Variants in SYDE2 observed in about 807,000 individuals in gnomAD.
SYDE2 encodes rho GTPase-activating protein SYDE2.
A neutral mutation model predicts 91.5 loss-of-function variants in SYDE2; 76 were observed. The ratio of observed to expected loss-of-function variants is 0.83; its 90% CI spans 0.69 to 1.01. The LOEUF (loss-of-function observed/expected upper bound fraction) is 1.01. SYDE2 is among the 50% of genes least tolerant of loss of function. SYDE2 has a pLI of 0.00. For missense variants in SYDE2, 1,364 were observed against 1,367.7 expected (o/e 1.00, Z 0.04); for synonymous variants, 513 against 506.4 (o/e 1.01, Z -0.18).
At chr1:85,161,725 C>CAAAAAAAAAAAAAAA (rs60732181) in intron 6 of SYDE2, among the ~76,000 whole-genome samples, 1 of 83,380 alleles carries the variant, frequency 1.2e-5, no homozygotes. Context: ...GACTCCATCT[C>CAAAAAAAAAAAAAAA]AAAAAAAAAA....
At chr1:85,165,896 CAG>C (rs1657252942) in intron 5 of SYDE2, among the ~76,000 whole-genome samples, 2 of 108,032 alleles carry the variant, frequency 1.9e-5, no homozygotes, top group African/African-American at 3.8e-5. Flanking sequence ...TTTTTGGAGA[CAG>C]GGTCTCACTC....
intron 6 of SYDE2, among the ~76,000 whole-genome samples, chr1:85,163,479 A>ATATG (rs1657151514): frequency 1.4e-5 from 2 of 143,070 alleles, no homozygotes; most frequent in Non-Finnish European, 3.1e-5. Flanking sequence ...ATATATATAT[A>ATATG]TAACAAAAGA....
At chr1:85,172,336 T>TC (rs1042126841) in intron 4 of SYDE2, among the ~76,000 whole-genome samples, 2 of 152,094 alleles carry the variant, frequency 1.3e-5, no homozygotes, top group Non-Finnish European at 2.9e-5. Context: ...AAGTAGACAC[T>TC]CCAGAGTATA....
At position 85,194,882 on chromosome 1, in the gene SYDE2, T is replaced by C. The variant is rs1444696979; in HGVS notation, c.746-4130A>G. On this transcript the variant is annotated intron_variant, in intron 1 of 6. Coordinates refer to ENST00000341460, the MANE Select transcript of SYDE2 (RefSeq NM_032184.2). Reference sequence around the variant, plus strand: ...CTCATTGAAAATCTGTAGTACCGGCTGGGCGCGGTGGCTCACGCCTGTAAT... The same window carrying C: ...CTCATTGAAAATCTGTAGTACCGGCCGGGCGCGGTGGCTCACGCCTGTAAT... The C allele has an allele frequency of 7.1e-5, 70 of 980,634 alleles. No individual in the cohort carries two copies. The Admixed American group carries it at 8.6e-4, about 12-fold the overall frequency. The allele number at this position is 980,634 out of a possible 1,614,324, so 60.7% of individuals were successfully genotyped here. A position where few individuals can be genotyped will look rare whatever the true frequency, so the allele number is the denominator to read the frequency against.
Position 85,190,258 on chromosome 1 carries a change from T to C in SYDE2, c.1240A>G (p.Lys414Glu), listed in dbSNP as rs377055538. 15 of 1,613,810 alleles carry C rather than the reference T, an allele frequency of 9.3e-6. No homozygotes were observed. The highest frequency in any genetic ancestry group is 1.7e-5 in the Admixed American group (1 of 60,000). ...LSMLSGSDLM[K>E]AERHTEDSLC... ...GAGTCTTCAGTATGCCGCTCTGCTT[T>C]CATCAGGTCACTGCCAGACAACATG... Residue 414 changes from lysine (K) to glutamate (E), a missense_variant, in exon 2 of 7, where the codon AAA (lysine) becomes GAA (glutamate). Coordinates refer to ENST00000341460, the MANE Select transcript of SYDE2 (RefSeq NM_032184.2).
intron 1 of SYDE2, among the ~76,000 whole-genome samples, chr1:85,199,211 A>G (rs1658713630): frequency 6.6e-6 from 1 of 152,218 alleles, no homozygotes; most frequent in African/African-American, 2.4e-5. Flanking sequence ...AATACCTTTT[A>G]CATTTCAGGA....
chr1:85,164,615 C>G lies in SYDE2; in HGVS notation c.2996G>C (p.Arg999Thr). ...AAGTTCTTCTGAATCAGTAAAGACTCTGTTGTTATGGGTGGAAGGCTCTTG... is the reference window on the plus strand; with the variant it reads ...AAGTTCTTCTGAATCAGTAAAGACTGTGTTGTTATGGGTGGAAGGCTCTTG... Reference protein sequence around the residue: ...QRQEPSTHNNRVFTDSEELAS... With the variant: ...QRQEPSTHNNTVFTDSEELAS... Residue 999 changes from arginine (R) to threonine (T), a missense_variant, in exon 6 of 7, where the codon AGA becomes ACA. Transcript: ENST00000341460. 1 of 1,607,384 alleles carries G rather than the reference C, an allele frequency of 6.2e-7. No individual in the cohort carries two copies. The highest frequency in any genetic ancestry group is 8.5e-7 in the Non-Finnish European group (1 of 1,176,678).
rs1656941957 is a variant in SYDE2, at chr1:85,158,562, AG to A, written c.*187del. The A allele has an allele frequency of 4.2e-6, 2 of 479,112 alleles. No individual in the cohort carries two copies. Among genetic ancestry groups the A allele is most frequent in the South Asian group, 7.9e-5 (2 of 25,382 alleles). 29.7% of individuals were successfully genotyped at this position (479,112 alleles called of 1,614,324 possible). Reference sequence around the variant, plus strand: ...TCCAAGTTTTATTGATCCCCAGAAAAGTTTTCTAGTGAGATAAGTAAAAATT... The same window carrying A: ...TCCAAGTTTTATTGATCCCCAGAAAATTTTCTAGTGAGATAAGTAAAAATT... On this transcript the variant is annotated 3_prime_UTR_variant, in exon 7 of 7. Transcript: ENST00000341460.
rs748125795 is a variant in SYDE2 at position 85,190,723 on chromosome 1, T to G, written c.775A>C (p.Met259Leu). 2.0e-5 allele frequency: 33 copies of G among 1,611,010 alleles called. No homozygotes were observed. In the Admixed American group the frequency reaches 5.6e-4, roughly 27 times the overall value. The change falls in exon 2 of 7, where the codon ATG becomes CTG. Residue 259 changes from methionine (M) to leucine (L), a missense_variant. Coordinates refer to ENST00000341460, the MANE Select transcript of SYDE2 (RefSeq NM_032184.2). ...DLFENAYGSS[M>L]KGRELEELKD... ...AGCTCTTCAAGTTCTCTTCCCTTCA[T>G]TGAAGACCCATAGGCATTTTCAAAT...
Position 85,182,623 on chromosome 1 carries a change from CTT to C in SYDE2, c.2017_2018del (p.Lys673ValfsTer17), listed in dbSNP as rs763796833. On this transcript the variant is annotated frameshift_variant, in exon 3 of 7. Transcript: ENST00000341460. LOFTEE classifies it high-confidence loss of function. ...FRHYSFSDQP[K>X]CSQYISGLMS... The stretch of plus-strand genomic sequence containing the variant: ...TGAGCCCAGATATGTACTGTGAACA[CTT>C]AGGTTGATCAGAAAAGCTATAATGC... 6.2e-7 allele frequency: 1 copy of C among 1,613,898 alleles called. No homozygotes were observed. Among genetic ancestry groups the C allele is most frequent in the South Asian group, 1.1e-5 (1 of 91,074 alleles).
At position 85,183,443 on chromosome 1, in the gene SYDE2, G is replaced by A. The variant is rs536980828; in HGVS notation, c.1442-243C>T. 2.0e-5 allele frequency among the ~76,000 whole-genome samples: 3 copies of A among 151,886 alleles called. No individual in the cohort carries two copies. The East Asian group carries it at 5.8e-4, about 29-fold the overall frequency. ...TTTTTCATACTTTATTCCTTATAGA[G>A]AAAGATCTAATAACCTCACATCAAA... On this transcript the variant is annotated intron_variant, in intron 2 of 6. Coordinates refer to ENST00000341460, the MANE Select transcript of SYDE2 (RefSeq NM_032184.2).
intron 1 of SYDE2, among the ~76,000 whole-genome samples, chr1:85,196,174 G>A (rs1288211140): frequency 1.3e-5 from 2 of 152,152 alleles, no homozygotes; most frequent in African/African-American, 4.8e-5. Flanking sequence ...AAGAGCCCAA[G>A]TGCTTTGCTC....
intron 5 of SYDE2, among the ~76,000 whole-genome samples, chr1:85,165,231 CA>C (rs1204271486): frequency 1.3e-5 from 2 of 151,022 alleles, no homozygotes; most frequent in South Asian, 4.2e-4. Context: ...GAGACCCTGT[CA>C]AAAAAAAATT....
chr1:85,197,644 A>T (rs2100697316), intron 1 of SYDE2, among the ~76,000 whole-genome samples: 1 of 152,130 alleles, frequency 6.6e-6, no homozygotes, highest in African/African-American at 2.4e-5. Context: ...GCTTTTTTAA[A>T]TTTTATTTAT....
intron 2 of SYDE2, among the ~76,000 whole-genome samples, chr1:85,184,166 G>C (rs1658038244): frequency 1.3e-5 from 2 of 152,044 alleles, no homozygotes; most frequent in African/African-American, 4.8e-5. Flanking sequence ...GGCTAGAGTC[G>C]AGTGAAACTG....
Position 85,182,451 on chromosome 1 carries a change from T to C in SYDE2, c.2191A>G (p.Thr731Ala). ...CRTTFLDMDH[T>A]FNIEIENAQH... ...GCATTTTCAATTTCTATGTTGAAAG[T>C]GTGATCCATGTCTAAAAATGTTGTT... The change falls in exon 3 of 7, where the codon ACT becomes GCT. Residue 731 changes from threonine (T) to alanine (A), a missense_variant. By Grantham distance (58) the Thr-to-Ala change is moderately conservative. Transcript: ENST00000341460. 1.2e-6 allele frequency: 2 copies of C among 1,613,598 alleles called. No homozygotes were observed. Among genetic ancestry groups the C allele is most frequent in the Non-Finnish European group, 1.7e-6 (2 of 1,179,698 alleles).
Position 85,158,653 on chromosome 1 carries a change from A to G in SYDE2, c.*97T>C. ...TATTAAAAATTAATTAAAGATTTCA[A>G]GAGTAAAAAAATGAAAACATCGCTG... On this transcript the variant is annotated 3_prime_UTR_variant, in exon 7 of 7. Transcript: ENST00000341460. 1 of 570,886 alleles carries G rather than the reference A, an allele frequency of 1.8e-6. No homozygotes were observed. Among genetic ancestry groups the G allele is most frequent in the Non-Finnish European group, 3.1e-6 (1 of 321,500 alleles). 35.4% of individuals were successfully genotyped at this position (570,886 alleles called of 1,614,324 possible). A position where few individuals can be genotyped will look rare whatever the true frequency, so the allele number is the denominator to read the frequency against.
Position 85,158,722 on chromosome 1 carries a change from A to C in SYDE2, c.*28T>G. 2.9e-6 allele frequency: 2 copies of C among 698,952 alleles called. No individual in the cohort carries two copies. Among genetic ancestry groups the C allele is most frequent in the Non-Finnish European group, 5.2e-6 (2 of 385,084 alleles). The allele number at this position is 698,952 out of a possible 1,614,324, so 43.3% of individuals were successfully genotyped here. A position where few individuals can be genotyped will look rare whatever the true frequency, so the allele number is the denominator to read the frequency against. ...AAAACAAAAACAGATTTGAAACTTT[A>C]AGACATTACAAAAAAAAACCCTCAA... On this transcript the variant is annotated 3_prime_UTR_variant, in exon 7 of 7. Coordinates refer to ENST00000341460, the MANE Select transcript of SYDE2 (RefSeq NM_032184.2).
chr1:85,182,397 AACTGAATACT>A lies in SYDE2; in HGVS notation c.2235_2244del (p.Val746GlyfsTer24). ...CGATTTTTTCTTGGAGTGGGTTCCCAACTGAATACTACTAGTTTCAAATGTTGTGCATTTT... is the reference window on the plus strand; with the variant it reads ...CGATTTTTTCTTGGAGTGGGTTCCCAACTAGTTTCAAATGTTGTGCATTTT... On this transcript the variant is annotated frameshift_variant, in exon 3 of 7. Transcript: ENST00000341460. LOFTEE classifies it high-confidence loss of function. The A allele has an allele frequency of 6.2e-7, 1 of 1,613,840 alleles. No individual in the cohort carries two copies. The highest frequency in any genetic ancestry group is 8.5e-7 in the Non-Finnish European group (1 of 1,179,820).
Sources: allele counts gnomAD v4.1 joint callset (sites outside exome capture counted in the v4.1 genomes callset), GRCh38; gene constraint gnomAD v4.1.1; transcripts MANE v1.5; gene names NCBI Gene and HGNC (gene_info 2026-07-23, HGNC 2026-07-21).